Variants in SLC24A2 observed in about 807,000 individuals in gnomAD.
SLC24A2 encodes sodium/potassium/calcium exchanger 2.
Under a neutral mutation model 62.0 loss-of-function variants are expected in SLC24A2, and 36 were observed. The observed-to-expected ratio is 0.58, with a 90% CI of 0.44 to 0.77. The LOEUF (loss-of-function observed/expected upper bound fraction) is 0.77, where lower values mean the gene tolerates loss of function less well. SLC24A2 is among the 30% of genes least tolerant of loss of function. The pLI, the probability that SLC24A2 is intolerant of heterozygous loss-of-function variation, is 0.00. For missense variants in SLC24A2, 846 were observed against 817.9 expected, an observed-to-expected ratio of 1.03 and a Z score of -0.42; for synonymous variants, 358 against 294.0, an observed-to-expected ratio of 1.22 and a Z score of -2.23.
rs751047380 is a variant in SLC24A2, at chr9:19,550,262, C to T, written c.1354G>A (p.Asp452Asn). 4 of 1,613,980 alleles carry T rather than the reference C, an allele frequency of 2.5e-6. No individual in the cohort carries two copies. The highest frequency in any genetic ancestry group is 3.3e-5 in the Admixed American group (2 of 59,998). The change falls in exon 8 of 11, where the codon GAT becomes AAT. Residue 452 changes from aspartate (D) to asparagine (N), a missense_variant. Coordinates refer to ENST00000341998, the MANE Select transcript of SLC24A2 (RefSeq NM_020344.4). ...NIEGAEAQTA[D>N]EEEDQPLSLA... ...CTGAGAGGCTGGTCCTCCTCCTCAT[C>T]AGCGGTCTGTGGTAGAAAAAGAGGT...
the SLC24A2 span, among the ~76,000 whole-genome samples, chr9:19,962,444 T>G: frequency 6.6e-6 from 1 of 152,208 alleles, no homozygotes; most frequent in Non-Finnish European, 1.5e-5. Context: ...ATCTATAAAT[T>G]ACCTTGGGCA....
chr9:19,760,605 G>C (rs1395365054), intron 2 of SLC24A2, among the ~76,000 whole-genome samples: 1 of 151,892 alleles, frequency 6.6e-6, no homozygotes, highest in African/African-American at 2.4e-5. Context: ...TTATGAATGA[G>C]AACATGTGGT....
chr9:20,118,099 T>G, the SLC24A2 span, among the ~76,000 whole-genome samples: 1 of 152,136 alleles, frequency 6.6e-6, no homozygotes, highest in Non-Finnish European at 1.5e-5. Context: ...AAAGAGTAAG[T>G]CAACCTTCTG....
chr9:20,115,231 C>A, the SLC24A2 span, among the ~76,000 whole-genome samples: 1 of 152,042 alleles, frequency 6.6e-6, no homozygotes, highest in East Asian at 1.9e-4. Context: ...CAGGTAATGT[C>A]CCTCAGGAGA....
chr9:19,835,965 C>G, the SLC24A2 span, among the ~76,000 whole-genome samples: 2 of 152,174 alleles, frequency 1.3e-5, no homozygotes, highest in African/African-American at 4.8e-5. Flanking sequence ...ACAACCTGCT[C>G]CTGAATGACT....
chr9:20,081,092 T>A, the SLC24A2 span, among the ~76,000 whole-genome samples: 1 of 152,208 alleles, frequency 6.6e-6, no homozygotes, highest in African/African-American at 2.4e-5. Flanking sequence ...GATCTAGAAC[T>A]GGAAATACCA....
intron 2 of SLC24A2, among the ~76,000 whole-genome samples, chr9:19,706,689 C>T (rs1820533985): frequency 6.6e-6 from 1 of 152,014 alleles, no homozygotes; most frequent in Non-Finnish European, 1.5e-5. Context: ...GGTCTTGATT[C>T]TTTATCCAAT....
chr9:19,521,864 C>CTTTTTTTTCTTTTTTT (rs1833216362), intron 9 of SLC24A2, among the ~76,000 whole-genome samples: 1 of 138,802 alleles, frequency 7.2e-6, no homozygotes. Context: ...TACTTTTTTT[C>CTTTTTTTTCTTTTTTT]TTTTTTTTTC....
At chr9:19,895,642 G>A in the SLC24A2 span, among the ~76,000 whole-genome samples, 6 of 151,060 alleles carry the variant, frequency 4.0e-5, no homozygotes, top group Non-Finnish European at 8.8e-5. Context: ...CTGGCAGCCG[G>A]GCACCAAGTC....
chr9:20,306,572 C>T, the SLC24A2 span, among the ~76,000 whole-genome samples: 5 of 152,350 alleles, frequency 3.3e-5, no homozygotes, highest in African/African-American at 1.2e-4. Context: ...GGCGGGATTA[C>T]CAGCCCAGAG....
intron 2 of SLC24A2, among the ~76,000 whole-genome samples, chr9:19,740,300 G>T (rs1281479893): frequency 1.3e-5 from 2 of 152,160 alleles, no homozygotes; most frequent in African/African-American, 4.8e-5. Context: ...AGCATTATTT[G>T]TAATAGTCAA....
At chr9:19,780,727 G>C (rs1226882696) in intron 2 of SLC24A2, among the ~76,000 whole-genome samples, 2 of 151,688 alleles carry the variant, frequency 1.3e-5, no homozygotes, top group Non-Finnish European at 2.9e-5. Flanking sequence ...CAAAAAATTA[G>C]CCGGGCGCGG....
chr9:19,535,914 T>C (rs367788210), intron 8 of SLC24A2, among the ~76,000 whole-genome samples: 4 of 151,080 alleles, frequency 2.6e-5, no homozygotes, highest in African/African-American at 9.9e-5. Flanking sequence ...CAGCATTGAA[T>C]CTATAAATTA....
chr9:20,062,272 T>C, the SLC24A2 span, among the ~76,000 whole-genome samples: 1 of 151,894 alleles, frequency 6.6e-6, no homozygotes, highest in Non-Finnish European at 1.5e-5. Flanking sequence ...CAAAACAGCA[T>C]GGTAAAGGTA....
the SLC24A2 span, among the ~76,000 whole-genome samples, chr9:20,301,023 A>G: frequency 6.6e-6 from 1 of 152,202 alleles, no homozygotes; most frequent in Non-Finnish European, 1.5e-5. Flanking sequence ...ACCACAAGAA[A>G]GGTCTGGTGA....
chr9:20,190,350 G>T, the SLC24A2 span, among the ~76,000 whole-genome samples: 1 of 152,000 alleles, frequency 6.6e-6, no homozygotes, highest in African/African-American at 2.4e-5. Context: ...TCAGATCTTT[G>T]TCCTACCAAA....
chr9:19,530,797 T>G (rs1400145712), intron 8 of SLC24A2, among the ~76,000 whole-genome samples: 1 of 152,190 alleles, frequency 6.6e-6, no homozygotes, highest in African/African-American at 2.4e-5. Flanking sequence ...AAATATTCTT[T>G]GTGAATTTTC....
At chr9:19,828,095 T>A in the SLC24A2 span, among the ~76,000 whole-genome samples, 1 of 152,158 alleles carries the variant, frequency 6.6e-6, no homozygotes, top group Non-Finnish European at 1.5e-5. Context: ...CCTATGATGA[T>A]TCCATTACAA....
chr9:19,961,048 G>GAAA, the SLC24A2 span, among the ~76,000 whole-genome samples: 2 of 150,336 alleles, frequency 1.3e-5, no homozygotes, highest in African/African-American at 4.9e-5. Flanking sequence ...GTGTGTGTGT[G>GAAA]TGTGAGTGAG....
Sources: allele counts gnomAD v4.1 joint callset (sites outside exome capture counted in the v4.1 genomes callset), GRCh38; gene constraint gnomAD v4.1.1; transcripts MANE v1.5; gene names NCBI Gene and HGNC (gene_info 2026-07-23, HGNC 2026-07-21).